NPM2: variants seen among roughly 807,000 people sequenced by gnomAD.
NPM2 encodes the protein nucleophosmin/nucleoplasmin 2, also known as nucleoplasmin-2.
In NPM2, 25 loss-of-function variants were observed where a neutral mutation model predicts 32.0. The ratio of observed to expected loss-of-function variants is 0.78; its 90% CI spans 0.57 to 1.09. The LOEUF (loss-of-function observed/expected upper bound fraction) is 1.09, where lower values mean the gene tolerates loss of function less well. Ranked by LOEUF, NPM2 falls within the 50% of genes least tolerant of loss-of-function variation. NPM2 has a pLI of 0.00. For synonymous variants in NPM2, 111 were observed against 94.2 expected (o/e 1.18, Z -1.04); for missense variants, 282 against 259.9 (o/e 1.08, Z -0.58).
At chr8:22,026,521 C>G (rs1287731353) in intron 5 of NPM2, among the ~76,000 whole-genome samples, 1 of 136,886 alleles carries the variant, frequency 7.3e-6, no homozygotes, top group Non-Finnish European at 1.5e-5. Flanking sequence ...GTGGTGCAAT[C>G]TCAGCTCACT....
chr8:22,026,247 C>A (rs1295724804), intron 5 of NPM2, among the ~76,000 whole-genome samples: 1 of 152,076 alleles, frequency 6.6e-6, no homozygotes, highest in African/African-American at 2.4e-5. Context: ...AACCACCCCC[C>A]ACTCCCACCC....
chr8:22,025,100 T>G (rs1157156384), intron 2 of NPM2, 116 bp from the exon 3 acceptor site: 1 of 787,080 alleles, frequency 1.3e-6, no homozygotes. Flanking sequence ...CCGTGGCAGG[T>G]CCCCTCCAGC....
rs752400448 is a variant in NPM2, at chr8:22,025,548, A to C, written c.144+27A>C. ...TAGGTGTTCCCAAAAGAGGGGAGGA[A>C]GATGGTGTCCGGGAACTTTCTGGTC... On this transcript the variant is annotated intron_variant, in intron 4 of 9. Transcript: ENST00000518119. 4 of 1,613,596 alleles carry C rather than the reference A, an allele frequency of 2.5e-6. No individual in the cohort carries two copies. In the East Asian group the frequency reaches 8.9e-5, roughly 36 times the overall value.
At chr8:22,032,813 G>C (rs1012066199) in intron 5 of NPM2, among the ~76,000 whole-genome samples, 7 of 152,050 alleles carry the variant, frequency 4.6e-5, no homozygotes, top group African/African-American at 1.7e-4. Flanking sequence ...CCCAAGGCCT[G>C]CATTTCTAAA....
chr8:22,030,789 C>T (rs1800411863), intron 5 of NPM2, among the ~76,000 whole-genome samples: 1 of 152,104 alleles, frequency 6.6e-6, no homozygotes, highest in Admixed American at 6.6e-5. Flanking sequence ...AAGCGATCTT[C>T]CGGCCTCAGC....
chr8:22,032,008 T>C (rs1334255866), intron 5 of NPM2, among the ~76,000 whole-genome samples: 5 of 152,232 alleles, frequency 3.3e-5, no homozygotes. Context: ...TGTTTTCACT[T>C]ATTACCTCCT....
At chr8:22,031,514 C>T (rs1201442417) in intron 5 of NPM2, among the ~76,000 whole-genome samples, 2 of 152,164 alleles carry the variant, frequency 1.3e-5, no homozygotes, top group Admixed American at 6.5e-5. Context: ...GGCGCAATCT[C>T]GGCTCACTGC....
Position 22,034,490 on chromosome 8 carries a change from C to G in NPM2, c.532-20C>G, listed in dbSNP as rs758991699. On this transcript the variant is annotated intron_variant, in intron 7 of 9. Transcript: ENST00000518119. Reference sequence around the variant, plus strand: ...GGACTTTGTCTGAACTCTCATAATACACTGTTTTTTGGTTCCCAGAAAAAA... The same window carrying G: ...GGACTTTGTCTGAACTCTCATAATAGACTGTTTTTTGGTTCCCAGAAAAAA... The G allele has an allele frequency of 6.2e-7, 1 of 1,605,764 alleles. No homozygotes were observed.
chr8:22,031,756 TGA>T (rs1800450025), intron 5 of NPM2, among the ~76,000 whole-genome samples: 1 of 152,216 alleles, frequency 6.6e-6, no homozygotes, highest in Non-Finnish European at 1.5e-5. Context: ...GGCCTGTGTG[TGA>T]GTTTTGAAGC....
At chr8:22,028,320 C>T (rs75835599) in intron 5 of NPM2, among the ~76,000 whole-genome samples, 5,376 of 148,826 alleles carry the variant, frequency 0.036, 324 homozygotes, top group African/African-American at 0.13. Flanking sequence ...CTGGTCTGTG[C>T]TCCACACAGC....
chr8:22,025,164 G>A, intron 2 of NPM2, 52 bp from the exon 3 acceptor site: 3 of 1,474,528 alleles, frequency 2.0e-6, no homozygotes, highest in Non-Finnish European at 2.8e-6. Context: ...GCATCCTCCA[G>A]TCGAGGGTCA....
chr8:22,033,879 A>T (rs1224732003), intron 6 of NPM2, among the ~76,000 whole-genome samples: 3 of 151,874 alleles, frequency 2.0e-5, no homozygotes, highest in Admixed American at 1.3e-4. Flanking sequence ...CTACCACCCC[A>T]GCCCTCTGCA....
In NPM2 at chr8:22,033,187, T is replaced by C; in HGVS notation, c.328T>C (p.Ser110Pro). The C allele has an allele frequency of 6.2e-7, 1 of 1,614,078 alleles. No homozygotes were observed. Among genetic ancestry groups the C allele is most frequent in the Non-Finnish European group, 8.5e-7 (1 of 1,180,008 alleles). ...PPVTFQLRAG[S>P]GPVFLSGQER... ...AGTTACTTTCCAGCTCCGGGCTGGC[T>C]CAGGACCCGTGTTCCTCAGTGGCCA... Residue 110 changes from serine (S) to proline (P), a missense_variant, in exon 6 of 10, where the codon TCA (serine) becomes CCA (proline). Ser to Pro is a moderately conservative substitution (Grantham distance 74). Coordinates refer to ENST00000518119, the MANE Select transcript of NPM2 (RefSeq NM_001286680.2).
At chr8:22,036,442 GCT>G in intron 8 of NPM2, 49 bp from the exon 9 acceptor site, 1 of 1,574,576 alleles carries the variant, frequency 6.4e-7, no homozygotes, top group East Asian at 2.4e-5. Context: ...CTGGAGCTGA[GCT>G]CTCTCCCTGA....
intron 3 of NPM2, 35 bp downstream of exon 3, chr8:22,025,341 G>A: frequency 1.2e-6 from 2 of 1,600,352 alleles, no homozygotes; most frequent in East Asian, 2.2e-5. Flanking sequence ...CCAGAGACAC[G>A]CCCCACCTCC....
rs770014407 is a variant in NPM2, at chr8:22,025,602, C to G, written c.145-45C>G. 3 of 1,613,862 alleles carry G rather than the reference C, an allele frequency of 1.9e-6. No homozygotes were observed. The South Asian group carries it at 3.3e-5, about 18-fold the overall frequency. On this transcript the variant is annotated intron_variant, in intron 4 of 9. Coordinates refer to ENST00000518119, the MANE Select transcript of NPM2 (RefSeq NM_001286680.2). The stretch of plus-strand genomic sequence containing the variant: ...ACGGAGGGCTATGGATTTCTCCCGT[C>G]GGCCCTCAGGGTGATGAGGGGCCTC...
intron 5 of NPM2, among the ~76,000 whole-genome samples, chr8:22,027,676 G>A (rs1372402891): frequency 1.3e-5 from 2 of 150,854 alleles, no homozygotes; most frequent in African/African-American, 2.4e-5. Context: ...GTGCGCTCTC[G>A]GCTCACTGCA....
chr8:22,034,674 C>T (rs866171937), intron 8 of NPM2, 130 bp downstream of exon 8: 10 of 733,570 alleles, frequency 1.4e-5, no homozygotes, highest in Non-Finnish European at 2.3e-5. Context: ...CTCGCAGGCA[C>T]ATGGGTATGG....
chr8:22,029,834 AT>A (rs1254863114), intron 5 of NPM2, among the ~76,000 whole-genome samples: 5 of 152,122 alleles, frequency 3.3e-5, no homozygotes, highest in African/African-American at 1.2e-4. Flanking sequence ...AATCTGTCTG[AT>A]TATTCCCTTT....
Sources: allele counts gnomAD v4.1 joint callset (sites outside exome capture counted in the v4.1 genomes callset), GRCh38; gene constraint gnomAD v4.1.1; transcripts MANE v1.5; gene names NCBI Gene and HGNC (gene_info 2026-07-23, HGNC 2026-07-21).